Variants in LGALS3BP observed in about 807,000 individuals in gnomAD.
The protein encoded by LGALS3BP is galectin 3 binding protein, also known as galectin-3-binding protein.
In LGALS3BP, 25 loss-of-function variants were observed where a neutral mutation model predicts 22.9. The observed-to-expected ratio is 1.09, with a 90% CI of 0.80 to 1.53. The LOEUF is 1.53. LGALS3BP is among the 40% of genes most tolerant of loss of function. The pLI is 0.00. For synonymous variants in LGALS3BP, 335 were observed against 331.1 expected (o/e 1.01, Z -0.13); for missense variants, 718 against 752.0 (o/e 0.95, Z 0.53).
rs1048427099 is a variant in LGALS3BP at position 78,974,682 on chromosome 17, G to A, written c.376+6C>T. On this transcript the variant is annotated splice_donor_region_variant and intron_variant, in intron 4 of 5. Coordinates refer to ENST00000262776, the MANE Select transcript of LGALS3BP (RefSeq NM_005567.4). The stretch of plus-strand genomic sequence containing the variant: ...GGCCTCCGCAGGGAGGTGCGCCCCC[G>A]CTCACCATTGGTGCAGACCACACCA... 18 of 1,611,684 alleles carry A rather than the reference G, an allele frequency of 1.1e-5. No individual in the cohort carries two copies. Among genetic ancestry groups the A allele is most frequent in the South Asian group, 5.5e-5 (5 of 91,012 alleles).
chr17:78,978,496 G>C (rs1445908506), intron 1 of LGALS3BP, among the ~76,000 whole-genome samples: 1 of 152,260 alleles, frequency 6.6e-6, no homozygotes, highest in Non-Finnish European at 1.5e-5. Flanking sequence ...CACAGTCAGT[G>C]AGCCACAGGC....
rs1330349104 is a variant in LGALS3BP at position 78,971,570 on chromosome 17, C to CGCCG, written c.*2_*5dup. On this transcript the variant is annotated 3_prime_UTR_variant, in exon 6 of 6. Transcript: ENST00000262776. The surrounding 1 kb of genome is among the most constrained non-coding windows in gnomAD (Gnocchi z 5.6). The stretch of plus-strand genomic sequence containing the variant: ...TCCGGTTCTCACCACCCTTGGGCCA[C>CGCCG]GCCGTCTAGTCCACACCTGAGGAGT... 1 of 1,608,202 alleles carries CGCCG rather than the reference C, an allele frequency of 6.2e-7. No individual in the cohort carries two copies. The highest frequency in any genetic ancestry group is 8.5e-7 in the Non-Finnish European group (1 of 1,176,658).
At position 78,973,984 on chromosome 17, in the gene LGALS3BP, C is replaced by A. The variant is rs1242961891; in HGVS notation, c.376+704G>T. 2.0e-5 allele frequency among the ~76,000 whole-genome samples: 3 copies of A among 152,226 alleles called. No homozygotes were observed. The highest frequency in any genetic ancestry group is 7.2e-5 in the African/African-American group (3 of 41,460). On this transcript the variant is annotated intron_variant, in intron 4 of 5. Transcript: ENST00000262776. The surrounding 1 kb of genome is among the most constrained non-coding windows in gnomAD (Gnocchi z 5.8). The stretch of plus-strand genomic sequence containing the variant: ...TGGCCCCGTGTGCTCCCCGCCGCCT[C>A]CCCTGGCCCCCGACAGCCCCATGGC...
In LGALS3BP at chr17:78,972,204, G is replaced by T; in HGVS notation, c.1130C>A (p.Thr377Asn). ...WSHEALFQKK[T>N]LQALEFHTVP... Reference sequence around the variant, plus strand: ...AGTGTGGAATTCCAGGGCCTGCAGAGTCTTCTTCTGGAACAGGGCCTCGTG... The same window carrying T: ...AGTGTGGAATTCCAGGGCCTGCAGATTCTTCTTCTGGAACAGGGCCTCGTG... The change falls in exon 6 of 6, where the codon ACT becomes AAT. Residue 377 changes from threonine (T) to asparagine (N), a missense_variant. Thr to Asn is a moderately conservative substitution (Grantham distance 65, BLOSUM62 0). Coordinates refer to ENST00000262776, the MANE Select transcript of LGALS3BP (RefSeq NM_005567.4). The surrounding 1 kb of genome is among the most constrained non-coding windows in gnomAD (Gnocchi z 5.1). 1.9e-6 allele frequency: 3 copies of T among 1,614,004 alleles called. No individual in the cohort carries two copies. The highest frequency in any genetic ancestry group is 2.5e-6 in the Non-Finnish European group (3 of 1,180,020).
rs1043372774 is a variant in LGALS3BP, at chr17:78,973,217, T to C, written c.382A>G (p.Arg128Gly). The change falls in exon 5 of 6, where the codon AGG becomes GGG. Residue 128 changes from arginine to glycine, a missense_variant. Coordinates refer to ENST00000262776, the MANE Select transcript of LGALS3BP (RefSeq NM_005567.4). This position sits in a 1 kb window ranked among gnomAD's most constrained non-coding sequence, Gnocchi z 5.8. ...GAGAGGTCCAGGGTGTGGGTGCTCCTGGTTTCTAAGAAGGGGCGGGAGGGA... is the reference window on the plus strand; with the variant it reads ...GAGAGGTCCAGGGTGTGGGTGCTCCCGGTTTCTAAGAAGGGGCGGGAGGGA... ...DAGVVCTNETRSTHTLDLSRE... is the reference protein window; with the variant it reads ...DAGVVCTNETGSTHTLDLSRE... The C allele has an allele frequency of 6.5e-7, 1 of 1,536,900 alleles. No homozygotes were observed. Among genetic ancestry groups the C allele is most frequent in the Admixed American group, 2.0e-5 (1 of 50,068 alleles).
chr17:78,971,447 G>T lies in LGALS3BP; in HGVS notation c.*129C>A. The stretch of plus-strand genomic sequence containing the variant: ...GTAATTTCTTGAAGCTGAGCGCTCA[G>T]GTGAGTAGGGCGACATCTGGTGGCC... On this transcript the variant is annotated 3_prime_UTR_variant, in exon 6 of 6. Transcript: ENST00000262776. The surrounding 1 kb of genome is among the most constrained non-coding windows in gnomAD (Gnocchi z 5.6). 1 of 824,408 alleles carries T rather than the reference G, an allele frequency of 1.2e-6. No individual in the cohort carries two copies. Among genetic ancestry groups the T allele is most frequent in the Non-Finnish European group, 1.9e-6 (1 of 538,474 alleles). The allele number at this position is 824,408 out of a possible 1,614,324, so 51.1% of individuals were successfully genotyped here.
At chr17:78,977,391 G>A (rs1209698146) in intron 1 of LGALS3BP, 177 bp from the exon 2 acceptor site, 7 of 590,536 alleles carry the variant, frequency 1.2e-5, no homozygotes, top group Admixed American at 3.1e-5. Context: ...ATGCCCCCGC[G>A]GGGGCCCCTC....
rs772898644 is a variant in LGALS3BP, at chr17:78,977,145, G to T, written c.47C>A (p.Thr16Asn). ...TTCCCAGGGGCTCAGCTCACCTTGG[G>T]TTCCTGCAACCAGCAGCCACACCCA... ...LFWVWLLVAG[T>N]QGVNDGDMRL... Residue 16 changes from threonine to asparagine, a missense_variant, in exon 2 of 6, where the codon ACC becomes AAC. Coordinates refer to ENST00000262776, the MANE Select transcript of LGALS3BP (RefSeq NM_005567.4). 3 of 1,613,322 alleles carry T rather than the reference G, an allele frequency of 1.9e-6. No individual in the cohort carries two copies. The highest frequency in any genetic ancestry group is 4.5e-5 in the East Asian group (2 of 44,862).
chr17:78,973,354 G>A lies in LGALS3BP; in HGVS notation c.377-132C>T, dbSNP rs1355293492. On this transcript the variant is annotated intron_variant, in intron 4 of 5. Transcript: ENST00000262776. This position sits in a 1 kb window ranked among gnomAD's most constrained non-coding sequence, Gnocchi z 5.8. ...CACTCTGGAAGGCTCCTGGGAAGAC[G>A]AGGGACAAGAGAGACCGGAAGTGTC... The A allele has an allele frequency of 1.1e-5, 12 of 1,070,620 alleles. No individual in the cohort carries two copies. Among genetic ancestry groups the A allele is most frequent in the Middle Eastern group, 3.2e-4 (1 of 3,158 alleles). The allele number at this position is 1,070,620 out of a possible 1,614,324, so 66.3% of individuals were successfully genotyped here. A position where few individuals can be genotyped will look rare whatever the true frequency, so the allele number is the denominator to read the frequency against.
At chr17:78,974,860 T>G (rs201270404) in intron 3 of LGALS3BP, 41 bp from the exon 4 acceptor site, 22 of 1,603,140 alleles carry the variant, frequency 1.4e-5, no homozygotes, top group Admixed American at 3.3e-5. Flanking sequence ...GCGTGACGAC[T>G]GCACCCAGGA....
chr17:78,973,369 C>CCGGAAGTGT lies in LGALS3BP; in HGVS notation c.377-156_377-148dup, dbSNP rs1173723595. The CCGGAAGTGT allele has an allele frequency of 1.0e-6, 1 of 986,024 alleles. No homozygotes were observed. The highest frequency in any genetic ancestry group is 2.9e-5 in the Admixed American group (1 of 34,142). The allele number at this position is 986,024 out of a possible 1,614,324, so 61.1% of individuals were successfully genotyped here. A position where few individuals can be genotyped will look rare whatever the true frequency, so the allele number is the denominator to read the frequency against. ...CTGGGAAGACGAGGGACAAGAGAGA[C>CCGGAAGTGT]CGGAAGTGTCGGATTCCTGGACCCT... is the stretch of plus-strand genomic sequence containing the variant. On this transcript the variant is annotated intron_variant, in intron 4 of 5. Coordinates refer to ENST00000262776, the MANE Select transcript of LGALS3BP (RefSeq NM_005567.4). This position sits in a 1 kb window ranked among gnomAD's most constrained non-coding sequence, Gnocchi z 5.8.
At position 78,974,048 on chromosome 17, in the gene LGALS3BP, TC is replaced by T. The variant is rs145148137; in HGVS notation, c.376+639del. The stretch of plus-strand genomic sequence containing the variant: ...CCCCCACTGTGAGTCCAGGCTCAGC[TC>T]CAGCCACTTGTCCATCCCATGTGGG... On this transcript the variant is annotated intron_variant, in intron 4 of 5. Coordinates refer to ENST00000262776, the MANE Select transcript of LGALS3BP (RefSeq NM_005567.4). 3.5e-3 allele frequency among the ~76,000 whole-genome samples: 538 copies of T among 152,314 alleles called. 1 individual carries two copies. The highest frequency in any genetic ancestry group is 0.012 in the African/African-American group (504 of 41,562).
chr17:78,975,916 G>T, intron 3 of LGALS3BP, 49 bp downstream of exon 3: 1 of 1,419,036 alleles, frequency 7.0e-7, no homozygotes, highest in East Asian at 2.4e-5. Flanking sequence ...CCTGGGAGCT[G>T]GCTGTGCTGT....
At position 78,973,104 on chromosome 17, in the gene LGALS3BP, G is replaced by A. The variant is rs754744704; in HGVS notation, c.495C>T (p.Asp165=). Residue 165 remains aspartate, a synonymous_variant, in exon 5 of 6, where the codon GAC becomes GAT. Transcript: ENST00000262776. This position sits in a 1 kb window ranked among gnomAD's most constrained non-coding sequence, Gnocchi z 5.8. The part of the protein sequence containing the change: ...LSISVNVQGE[D]ALGFCGHTVI... Reference sequence around the variant, plus strand: ...CCGTGTGGCCACAGAAGCCCAGGGCGTCCTCGCCCTGCACATTCACGCTGA... The same window carrying A: ...CCGTGTGGCCACAGAAGCCCAGGGCATCCTCGCCCTGCACATTCACGCTGA... 3.0e-5 allele frequency: 49 copies of A among 1,613,476 alleles called. No homozygotes were observed. Among genetic ancestry groups the A allele is most frequent in the Middle Eastern group, 3.3e-4 (2 of 6,082 alleles).
rs2070690351 is a variant in LGALS3BP at position 78,973,173 on chromosome 17, G to A, written c.426C>T (p.Ala142=). The change falls in exon 5 of 6, where the codon GCC becomes GCT. Residue 142 remains alanine, a synonymous_variant. Transcript: ENST00000262776. This position sits in a 1 kb window ranked among gnomAD's most constrained non-coding sequence, Gnocchi z 5.8. The part of the protein sequence containing the change: ...TLDLSRELSE[A]LGQIFDSQRG... ...GCTGGCTGTCAAAGATCTGGCCAAG[G>A]GCCTCCGAGAGCTCCCTGGAGAGGT... 6.2e-7 allele frequency: 1 copy of A among 1,602,478 alleles called. No individual in the cohort carries two copies. Among genetic ancestry groups the A allele is most frequent in the African/African-American group, 1.3e-5 (1 of 74,768 alleles).
At position 78,977,217 on chromosome 17, in the gene LGALS3BP, G is replaced by A; in HGVS notation, c.-23-3C>T. On this transcript the variant is annotated splice_polypyrimidine_tract_variant and splice_region_variant and intron_variant, in intron 1 of 5. Coordinates refer to ENST00000262776, the MANE Select transcript of LGALS3BP (RefSeq NM_005567.4). ...GGCCGTGCCTGGATGCCCAGATCCT[G>A]CAGCAGACAGAAGCGGAGGGGTGAG... The A allele has an allele frequency of 6.2e-7, 1 of 1,610,796 alleles. No individual in the cohort carries two copies.
chr17:78,979,074 G>A (rs202068348), intron 1 of LGALS3BP, among the ~76,000 whole-genome samples: 17 of 7,516 alleles, frequency 2.3e-3, no homozygotes, highest in African/African-American at 6.5e-3. Context: ...AAAAAAAAAA[G>A]GGGGGGGGGC....
At position 78,973,011 on chromosome 17, in the gene LGALS3BP, A is replaced by G. The variant is rs758608671; in HGVS notation, c.588T>C (p.Ser196=). 46 of 1,613,236 alleles carry G rather than the reference A, an allele frequency of 2.9e-5. No individual in the cohort carries two copies. The highest frequency in any genetic ancestry group is 3.6e-5 in the Non-Finnish European group (42 of 1,179,668). Residue 196 remains serine (S), a synonymous_variant, in exon 5 of 6, where the codon AGT becomes AGC. Coordinates refer to ENST00000262776, the MANE Select transcript of LGALS3BP (RefSeq NM_005567.4). This position sits in a 1 kb window ranked among gnomAD's most constrained non-coding sequence, Gnocchi z 5.8. The part of the protein sequence containing the change: ...WKEPGSNVTM[S]VDAECVPMVR... ...CCATGGGCACACACTCAGCATCCAC[A>G]CTCATGGTGACATTGCTGCCCGGCT... is the stretch of plus-strand genomic sequence containing the variant.
In LGALS3BP at chr17:78,973,217, T is replaced by A; in HGVS notation, c.382A>T (p.Arg128Trp). ...GAGAGGTCCAGGGTGTGGGTGCTCC[T>A]GGTTTCTAAGAAGGGGCGGGAGGGA... ...DAGVVCTNET[R>W]STHTLDLSRE... The change falls in exon 5 of 6, where the codon AGG becomes TGG. Residue 128 changes from arginine to tryptophan, a missense_variant. Arg to Trp is a moderately radical substitution (Grantham distance 101, BLOSUM62 -3). Coordinates refer to ENST00000262776, the MANE Select transcript of LGALS3BP (RefSeq NM_005567.4). This position sits in a 1 kb window ranked among gnomAD's most constrained non-coding sequence, Gnocchi z 5.8. The A allele has an allele frequency of 6.5e-7, 1 of 1,536,900 alleles. No individual in the cohort carries two copies. Among genetic ancestry groups the A allele is most frequent in the Non-Finnish European group, 8.8e-7 (1 of 1,139,474 alleles).
Sources: allele counts gnomAD v4.1 joint callset (sites outside exome capture counted in the v4.1 genomes callset), GRCh38; gene constraint gnomAD v4.1.1; non-coding constraint Gnocchi (gnomAD v3.1); transcripts MANE v1.5; gene names NCBI Gene and HGNC (gene_info 2026-07-23, HGNC 2026-07-21).